LPAR1: variants seen among roughly 807,000 people sequenced by gnomAD.
LPAR1 encodes the protein lysophosphatidic acid receptor 1.
Under a neutral mutation model 23.8 loss-of-function variants are expected in LPAR1, and 5 were observed. The observed-to-expected ratio is 0.21, with a 90% CI of 0.11 to 0.44. LPAR1 has a LOEUF of 0.44. Among genes scored for constraint, LPAR1 ranks in the 20% least tolerant of loss-of-function variants. LPAR1 has a pLI of 0.99. For missense variants in LPAR1, 311 were observed against 482.8 expected (o/e 0.64, Z 3.33); for synonymous variants, 160 against 164.7 (o/e 0.97, Z 0.22).
intron 4 of LPAR1, among the ~76,000 whole-genome samples, chr9:110,971,603 G>A (rs1370588219): frequency 6.6e-6 from 1 of 152,124 alleles, no homozygotes; most frequent in Non-Finnish European, 1.5e-5. Context: ...ATTGCATTTT[G>A]TTTCAAAGTT....
At chr9:110,952,365 G>C (rs1159689771) in intron 4 of LPAR1, among the ~76,000 whole-genome samples, 1 of 152,150 alleles carries the variant, frequency 6.6e-6, no homozygotes, top group Non-Finnish European at 1.5e-5. Context: ...TTACTCCAGA[G>C]ACAGAGCTCA....
Position 110,972,148 on chromosome 9 carries a change from GC to G in LPAR1, c.-32del. 3.7e-6 allele frequency: 6 copies of G among 1,606,616 alleles called. No homozygotes were observed. The highest frequency in any genetic ancestry group is 5.1e-6 in the Non-Finnish European group (6 of 1,173,252). On this transcript the variant is annotated 5_prime_UTR_variant, in exon 4 of 6. Transcript: ENST00000683809. ...CTCTGTGGTTGTAGGTGGTGAACACGCCCCAGAACTACGGGAGACAAATTTT... is the reference window on the plus strand; with the variant it reads ...CTCTGTGGTTGTAGGTGGTGAACACGCCCAGAACTACGGGAGACAAATTTT...
Position 110,968,820 on chromosome 9 carries a change from A to G in LPAR1, c.45+3253T>C, listed in dbSNP as rs557072055. Among the ~76,000 whole-genome samples, 38 of 152,336 alleles carry G rather than the reference A, an allele frequency of 2.5e-4. No individual in the cohort carries two copies. The South Asian group carries it at 7.9e-3, about 32-fold the overall frequency. The stretch of plus-strand genomic sequence containing the variant: ...ATGCACTGGGCAATATGTGCCCAGA[A>G]TATGTGCCAGGCACTATTCTGAGCT... On this transcript the variant is annotated intron_variant, in intron 4 of 5. Transcript: ENST00000683809.
chr9:110,996,638 C>A (rs187631621), intron 2 of LPAR1, among the ~76,000 whole-genome samples: 3 of 152,066 alleles, frequency 2.0e-5, no homozygotes, highest in African/African-American at 7.2e-5. Context: ...CAAGTCATAG[C>A]GATAAAATGA....
chr9:110,927,674 T>C (rs1230002154), intron 5 of LPAR1, among the ~76,000 whole-genome samples: 1 of 152,144 alleles, frequency 6.6e-6, no homozygotes, highest in African/African-American at 2.4e-5. Flanking sequence ...CAAATCTTTT[T>C]TATAAAATTT....
chr9:110,966,850 A>G lies in LPAR1; in HGVS notation c.45+5223T>C, dbSNP rs373055244. Reference sequence around the variant, plus strand: ...GCCAAACTGCTCACTCTGGTACTGAACTATTGACTCTTTCATGAACAATGA... The same window carrying G: ...GCCAAACTGCTCACTCTGGTACTGAGCTATTGACTCTTTCATGAACAATGA... On this transcript the variant is annotated intron_variant, in intron 4 of 5. Coordinates refer to ENST00000683809, the MANE Select transcript of LPAR1 (RefSeq NM_001351411.2). Among the ~76,000 whole-genome samples the G allele has an allele frequency of 2.0e-5, 3 of 152,272 alleles. No homozygotes were observed. The South Asian group carries it at 6.2e-4, about 32-fold the overall frequency.
At chr9:110,938,030 T>C (rs2094840668) in intron 5 of LPAR1, among the ~76,000 whole-genome samples, 2 of 152,176 alleles carry the variant, frequency 1.3e-5, no homozygotes, top group South Asian at 2.1e-4. Context: ...ACGGCTCTGG[T>C]CTTCAGTTTT....
chr9:110,885,671 T>C (rs779112915), intron 5 of LPAR1, among the ~76,000 whole-genome samples: 5 of 152,222 alleles, frequency 3.3e-5, no homozygotes, highest in Admixed American at 6.5e-5. Context: ...CAATACAGTC[T>C]AAACCTTAAG....
chr9:110,905,294 T>A (rs568843330), intron 5 of LPAR1, among the ~76,000 whole-genome samples: 2 of 142,774 alleles, frequency 1.4e-5, no homozygotes, highest in African/African-American at 2.4e-5. Flanking sequence ...GATGGTTGGG[T>A]ACACTGGACA....
chr9:110,881,817 T>C (rs1007376120), intron 5 of LPAR1, among the ~76,000 whole-genome samples: 2 of 152,216 alleles, frequency 1.3e-5, no homozygotes, highest in Admixed American at 1.3e-4. Context: ...TAAGTCACTC[T>C]CCTGCTTAAA....
rs138654948 is a variant in LPAR1 at position 110,984,056 on chromosome 9, C to T, written c.-181-10498G>A. ...GCAGGCATGCAATATGTAATAGTCACATCATGGTAAATGGGTACGCATCAC... is the reference window on the plus strand; with the variant it reads ...GCAGGCATGCAATATGTAATAGTCATATCATGGTAAATGGGTACGCATCAC... On this transcript the variant is annotated intron_variant, in intron 2 of 5. Transcript: ENST00000683809. Among the ~76,000 whole-genome samples, 321 of 152,038 alleles carry T rather than the reference C, an allele frequency of 2.1e-3. 1 individual carries two copies. The highest frequency in any genetic ancestry group is 7.5e-3 in the African/African-American group (312 of 41,512).
At chr9:110,983,762 AT>A (rs1213799261) in intron 2 of LPAR1, among the ~76,000 whole-genome samples, 2 of 152,038 alleles carry the variant, frequency 1.3e-5, no homozygotes, top group African/African-American at 4.8e-5. Flanking sequence ...AAGAAATCCC[AT>A]TAAAAAAATC....
chr9:110,977,202 G>A (rs369513815), intron 2 of LPAR1, among the ~76,000 whole-genome samples: 5 of 152,162 alleles, frequency 3.3e-5, no homozygotes, highest in South Asian at 2.1e-4. Flanking sequence ...AGCGATGGGG[G>A]CTGAGGGAAC....
chr9:110,910,438 A>T (rs1463751915), intron 5 of LPAR1, among the ~76,000 whole-genome samples: 1 of 152,210 alleles, frequency 6.6e-6, no homozygotes, highest in Non-Finnish European at 1.5e-5. Context: ...CAATGTACCT[A>T]GTCGCCTAAG....
chr9:110,988,812 AT>A (rs2096841117), intron 2 of LPAR1, among the ~76,000 whole-genome samples: 1 of 152,160 alleles, frequency 6.6e-6, no homozygotes, highest in Non-Finnish European at 1.5e-5. Context: ...GAAAATATAT[AT>A]CCACACAAAA....
At chr9:110,899,186 A>T (rs1277647019) in intron 5 of LPAR1, among the ~76,000 whole-genome samples, 1 of 152,226 alleles carries the variant, frequency 6.6e-6, no homozygotes, top group African/African-American at 2.4e-5. Context: ...TCTTCTTCAC[A>T]CTGTGAAATC....
intron 2 of LPAR1, among the ~76,000 whole-genome samples, chr9:111,010,543 C>T (rs1469812661): frequency 4.6e-5 from 7 of 152,018 alleles, no homozygotes; most frequent in East Asian, 1.9e-4. Context: ...CATTTACTAC[C>T]GCCTTTCAAG....
chr9:111,020,742 G>A (rs12353088), intron 2 of LPAR1, among the ~76,000 whole-genome samples: 55,085 of 151,970 alleles, frequency 0.36, 11,003 homozygotes, highest in East Asian at 0.62. Context: ...CTGTGCCTGT[G>A]TGACCTGCCC....
intron 5 of LPAR1, among the ~76,000 whole-genome samples, chr9:110,923,958 C>CT (rs1242315006): frequency 1.1e-4 from 16 of 152,164 alleles, no homozygotes; most frequent in African/African-American, 3.9e-4. Flanking sequence ...ACATACATTC[C>CT]TATTTTTGTT....
Sources: gnomAD v4.1 joint callset for allele counts (sites outside exome capture counted in the v4.1 genomes callset) on GRCh38, gnomAD v4.1.1 for gene constraint, MANE v1.5 for transcripts, NCBI Gene and HGNC (gene_info 2026-07-23, HGNC 2026-07-21) for gene names.